The following FSHR variants were observed in gnomAD, a reference collection of about 807,000 sequenced individuals.
FSHR encodes the protein follicle-stimulating hormone receptor.
FSHR carries 46 observed loss-of-function variants against 52.1 expected under a neutral mutation model. The ratio of observed to expected loss-of-function variants is 0.88; its 90% CI spans 0.70 to 1.13. The LOEUF is 1.13. Ranked by LOEUF, FSHR falls within the 50% of genes most tolerant of loss-of-function variation. The probability of loss-of-function intolerance (pLI) is 0.00; values close to 1 mark genes in which losing one functional copy is unlikely to be tolerated. For missense variants in FSHR, 964 were observed against 834.6 expected, an observed-to-expected ratio of 1.16 and a Z score of -1.91; for synonymous variants, 399 against 309.6, an observed-to-expected ratio of 1.29 and a Z score of -3.03.
At chr2:49,081,421 T>G (rs1243237419) in intron 1 of FSHR, among the ~76,000 whole-genome samples, 1 of 152,184 alleles carries the variant, frequency 6.6e-6, no homozygotes, top group Non-Finnish European at 1.5e-5. Context: ...CTTATGGGCA[T>G]TTATTATAAT....
intron 1 of FSHR, among the ~76,000 whole-genome samples, chr2:49,153,339 C>T (rs891517608): frequency 4.6e-5 from 7 of 152,198 alleles, no homozygotes; most frequent in Non-Finnish European, 8.8e-5. Flanking sequence ...TCCCAACTTG[C>T]CAGTTCTCAG....
intron 1 of FSHR, among the ~76,000 whole-genome samples, chr2:49,071,246 C>T (rs983539310): frequency 1.3e-5 from 2 of 152,110 alleles, no homozygotes; most frequent in African/African-American, 4.8e-5. Context: ...GGGAGGAAAA[C>T]ACAAATCCAC....
chr2:49,039,184 T>C (rs2104277247), intron 2 of FSHR, among the ~76,000 whole-genome samples: 1 of 152,338 alleles, frequency 6.6e-6, no homozygotes, highest in East Asian at 1.9e-4. Context: ...AGTAGATTCT[T>C]TTTCTCTGGG....
Position 49,136,005 on chromosome 2 carries a change from T to A in FSHR, c.152+18261A>T, listed in dbSNP as rs78508218. The stretch of plus-strand genomic sequence containing the variant: ...TACATAAAAGTCGCCCCACATAGTT[T>A]AATCCATGTTGTTCTATGGTCAAGT... On this transcript the variant is annotated intron_variant, in intron 1 of 9. Coordinates refer to ENST00000406846, the MANE Select transcript of FSHR (RefSeq NM_000145.4). 7.6e-4 allele frequency among the ~76,000 whole-genome samples: 116 copies of A among 152,064 alleles called. No individual in the cohort carries two copies. The East Asian group carries it at 9.9e-3, about 13-fold the overall frequency.
At chr2:48,975,108 G>T (rs1260928494) in intron 8 of FSHR, among the ~76,000 whole-genome samples, 1 of 152,190 alleles carries the variant, frequency 6.6e-6, no homozygotes, top group Non-Finnish European at 1.5e-5. Flanking sequence ...TATTCAGATA[G>T]TTGGTAAAGC....
At chr2:49,052,005 G>C (rs1668876736) in intron 2 of FSHR, among the ~76,000 whole-genome samples, 1 of 151,972 alleles carries the variant, frequency 6.6e-6, no homozygotes, top group South Asian at 2.1e-4. Context: ...GATGATGAGA[G>C]AACATTTCCC....
At chr2:49,047,429 C>A (rs1330366228) in intron 2 of FSHR, among the ~76,000 whole-genome samples, 3 of 152,238 alleles carry the variant, frequency 2.0e-5, no homozygotes, top group Non-Finnish European at 2.9e-5. Context: ...AAGACGGGAT[C>A]TCTAAAGCAC....
intron 1 of FSHR, among the ~76,000 whole-genome samples, chr2:49,107,866 C>G (rs897711384): frequency 2.0e-5 from 3 of 152,112 alleles, no homozygotes; most frequent in Admixed American, 6.6e-5. Flanking sequence ...CTTTCTCCTC[C>G]CAACCCATGG....
At chr2:49,130,682 T>C (rs546269253) in intron 1 of FSHR, among the ~76,000 whole-genome samples, 2 of 152,338 alleles carry the variant, frequency 1.3e-5, no homozygotes, top group East Asian at 3.9e-4. Context: ...GAAAATAAGA[T>C]ACTTTATCCC....
intron 8 of FSHR, among the ~76,000 whole-genome samples, chr2:48,973,279 CAAAT>C (rs1674828068): frequency 6.6e-6 from 1 of 151,752 alleles, no homozygotes; most frequent in Non-Finnish European, 1.5e-5. Context: ...CATGCACATG[CAAAT>C]GCACATGCAA....
chr2:49,003,537 G>A (rs1666979137), intron 4 of FSHR, among the ~76,000 whole-genome samples: 1 of 152,130 alleles, frequency 6.6e-6, no homozygotes. Flanking sequence ...GGACAATTCA[G>A]CTAGAATATT....
intron 1 of FSHR, among the ~76,000 whole-genome samples, chr2:49,134,039 G>C (rs991868652): frequency 6.6e-6 from 1 of 152,032 alleles, no homozygotes; most frequent in East Asian, 1.9e-4. Context: ...CACCAAAAGC[G>C]ATGGCAACAA....
chr2:49,125,297 C>A (rs1485970793), intron 1 of FSHR, among the ~76,000 whole-genome samples: 1 of 151,640 alleles, frequency 6.6e-6, no homozygotes, highest in African/African-American at 2.4e-5. Context: ...ACTACACTAA[C>A]ATTAACAATA....
At chr2:49,005,442 A>G (rs1667045093) in intron 4 of FSHR, among the ~76,000 whole-genome samples, 1 of 152,144 alleles carries the variant, frequency 6.6e-6, no homozygotes, top group South Asian at 2.1e-4. Context: ...TAGTCATGGC[A>G]ACATCCTTAG....
intron 6 of FSHR, among the ~76,000 whole-genome samples, chr2:48,983,711 T>C (rs985728188): frequency 6.6e-6 from 1 of 152,188 alleles, no homozygotes; most frequent in African/African-American, 2.4e-5. Flanking sequence ...CATAGGGACC[T>C]GGTTATTGGA....
chr2:49,078,502 A>G (rs568890304), intron 1 of FSHR, among the ~76,000 whole-genome samples: 1 of 152,340 alleles, frequency 6.6e-6, no homozygotes, highest in Admixed American at 6.5e-5. Flanking sequence ...TATAGGGACA[A>G]TGTGCATTTA....
chr2:48,963,337 A>C lies in FSHR; in HGVS notation c.1484T>G (p.Ile495Ser), dbSNP rs780337084. ...HAASVMVMGW[I>S]FAFAAALFPI... ...AAAGAGGGCAGCTGCAAAAGCAAAAATCCAGCCCATCACCATGACACTGGC... is the reference window on the plus strand; with the variant it reads ...AAAGAGGGCAGCTGCAAAAGCAAAACTCCAGCCCATCACCATGACACTGGC... Residue 495 changes from isoleucine (I) to serine (S), a missense_variant, in exon 10 of 10, where the codon ATT (isoleucine) becomes AGT (serine). Transcript: ENST00000406846. 5.0e-6 allele frequency: 8 copies of C among 1,613,866 alleles called. No individual in the cohort carries two copies. Among genetic ancestry groups the C allele is most frequent in the Non-Finnish European group, 6.8e-6 (8 of 1,179,970 alleles).
intron 2 of FSHR, among the ~76,000 whole-genome samples, chr2:49,048,192 G>A (rs1311750520): frequency 1.3e-5 from 2 of 151,994 alleles, no homozygotes; most frequent in South Asian, 4.2e-4. Flanking sequence ...AGCCTGTATA[G>A]CTTAAATTGA....
intron 2 of FSHR, among the ~76,000 whole-genome samples, chr2:49,043,627 A>G (rs1390306812): frequency 6.6e-6 from 1 of 152,164 alleles, no homozygotes; most frequent in Non-Finnish European, 1.5e-5. Flanking sequence ...CATTCCTAGC[A>G]TCTTGCCTAG....
Sources: allele counts gnomAD v4.1 joint callset (sites outside exome capture counted in the v4.1 genomes callset), GRCh38; gene constraint gnomAD v4.1.1; transcripts MANE v1.5; gene names NCBI Gene and HGNC (gene_info 2026-07-23, HGNC 2026-07-21).